The following DCC variants were observed in gnomAD, a reference collection of about 807,000 sequenced individuals.
The protein encoded by DCC is netrin receptor DCC.
DCC carries 58 observed loss-of-function variants against 172.5 expected under a neutral mutation model. The observed-to-expected ratio is 0.34, with a 90% confidence interval of 0.27 to 0.42. The LOEUF is 0.42. DCC is among the 10% of genes least tolerant of loss of function. The probability of loss-of-function intolerance (pLI) is 1.00; values close to 1 mark genes in which losing one functional copy is unlikely to be tolerated. For synonymous variants in DCC, 709 were observed against 644.5 expected (o/e 1.10, Z -1.52); for missense variants, 1,740 against 1,791.0 (o/e 0.97, Z 0.51).
chr18:52,715,852 T>A (rs946452242), intron 1 of DCC, among the ~76,000 whole-genome samples: 23 of 152,060 alleles, frequency 1.5e-4, no homozygotes, highest in African/African-American at 5.5e-4. Context: ...TCTGGATTAG[T>A]TCATACATGC....
In DCC at chr18:52,459,624, C is replaced by A. The variant is rs140276204; in HGVS notation, c.91+118746C>A. Among the ~76,000 whole-genome samples the A allele has an allele frequency of 3.3e-5, 5 of 151,874 alleles. No individual in the cohort carries two copies. In the East Asian group the frequency reaches 5.8e-4, roughly 18 times the overall value. ...CTGGGACTACAGGTGCCCGCCACCA[C>A]GCCCGGCTAATTTTTTTGTATTTTT... is the stretch of plus-strand genomic sequence containing the variant. On this transcript the variant is annotated intron_variant, in intron 1 of 28. Transcript: ENST00000442544.
intron 1 of DCC, among the ~76,000 whole-genome samples, chr18:52,610,105 G>C: frequency 7.6e-6 from 1 of 131,558 alleles, no homozygotes. Flanking sequence ...CCTGAGATTA[G>C]GAGTTCTAGA....
chr18:53,338,386 G>T (rs970960993), intron 14 of DCC, among the ~76,000 whole-genome samples: 1 of 152,168 alleles, frequency 6.6e-6, no homozygotes, highest in Non-Finnish European at 1.5e-5. Flanking sequence ...GGTGGATCAC[G>T]AGGTCAGAAG....
intron 7 of DCC, among the ~76,000 whole-genome samples, chr18:53,072,570 G>A (rs924992163): frequency 1.3e-5 from 2 of 152,196 alleles, no homozygotes; most frequent in Non-Finnish European, 2.9e-5. Flanking sequence ...AGGGGCATAC[G>A]TAGTCTGGGA....
rs574800403 is a variant in DCC at position 52,830,225 on chromosome 18, C to T, written c.413-75819C>T. Among the ~76,000 whole-genome samples the T allele has an allele frequency of 5.0e-3, 756 of 152,274 alleles. 8 individuals carry two copies. Among genetic ancestry groups the T allele is most frequent in the Non-Finnish European group, 8.5e-3 (579 of 68,028 alleles). ...CCATGGGCCACATGCAGCCCATGAC[C>T]GGTTTGAATGTGGTCCAACACAAAC... On this transcript the variant is annotated intron_variant, in intron 2 of 28. Coordinates refer to ENST00000442544, the MANE Select transcript of DCC (RefSeq NM_005215.4).
rs138328109 is a variant in DCC at position 53,009,502 on chromosome 18, AAAG to A, written c.986-53801_986-53799del. On this transcript the variant is annotated intron_variant, in intron 5 of 28. Transcript: ENST00000442544. ...GTTCTAGATTTAGGGTAAAAACAAA[AAAG>A]AGAGAAAGTGAAGGCAAGAAATTGT... Among the ~76,000 whole-genome samples the A allele has an allele frequency of 6.8e-4, 103 of 152,026 alleles. 2 individuals carry two copies. In the East Asian group the frequency reaches 0.018, roughly 26 times the overall value.
In DCC at chr18:53,075,730, T is replaced by C. The variant is rs114790183; in HGVS notation, c.1261+9564T>C. On this transcript the variant is annotated intron_variant, in intron 7 of 28. Coordinates refer to ENST00000442544, the MANE Select transcript of DCC (RefSeq NM_005215.4). ...ATACATACATATAGATTATATAGTATGTAGATGCTGTGCTTATATGTATAC... is the reference window on the plus strand; with the variant it reads ...ATACATACATATAGATTATATAGTACGTAGATGCTGTGCTTATATGTATAC... Among the ~76,000 whole-genome samples, 1,125 of 152,292 alleles carry C rather than the reference T, an allele frequency of 7.4e-3. 17 individuals are homozygous for C. Among genetic ancestry groups the C allele is most frequent in the African/African-American group, 0.025 (1,056 of 41,564 alleles).
At chr18:52,835,225 A>G (rs1390305475) in intron 2 of DCC, among the ~76,000 whole-genome samples, 1 of 152,228 alleles carries the variant, frequency 6.6e-6, no homozygotes, top group Non-Finnish European at 1.5e-5. Context: ...ATAAATCCTG[A>G]AAGAAATTTC....
At chr18:52,822,191 C>T (rs747914592) in intron 2 of DCC, among the ~76,000 whole-genome samples, 5 of 151,720 alleles carry the variant, frequency 3.3e-5, no homozygotes, top group Non-Finnish European at 7.4e-5. Context: ...AAGACTAAAT[C>T]TTAACTGGTT....
chr18:52,968,648 G>A (rs141804308), intron 5 of DCC, among the ~76,000 whole-genome samples: 1 of 152,220 alleles, frequency 6.6e-6, no homozygotes, highest in Non-Finnish European at 1.5e-5. Flanking sequence ...CAAACAACCA[G>A]TAAAATTATT....
intron 1 of DCC, among the ~76,000 whole-genome samples, chr18:52,693,679 G>C (rs938652473): frequency 3.2e-4 from 49 of 152,010 alleles, no homozygotes; most frequent in African/African-American, 9.9e-4. Flanking sequence ...GAGAAAGTAT[G>C]AGATGAGCCA....
At chr18:52,708,359 G>A (rs142756621) in intron 1 of DCC, among the ~76,000 whole-genome samples, 5,520 of 151,612 alleles carry the variant, frequency 0.036, 143 homozygotes, top group East Asian at 0.085. Flanking sequence ...GGAGAATGGC[G>A]TGAACCCAGG....
At chr18:52,838,248 C>G (rs1356811947) in intron 2 of DCC, among the ~76,000 whole-genome samples, 1 of 152,036 alleles carries the variant, frequency 6.6e-6, no homozygotes, top group Non-Finnish European at 1.5e-5. Flanking sequence ...GGGTATTATA[C>G]TTTTATATTA....
At chr18:52,464,877 C>T (rs558382823) in intron 1 of DCC, among the ~76,000 whole-genome samples, 2 of 152,072 alleles carry the variant, frequency 1.3e-5, no homozygotes, top group South Asian at 2.1e-4. Flanking sequence ...TGGAGAGCAC[C>T]ATGATAGAAG....
chr18:52,534,498 A>G (rs1481907138), intron 1 of DCC, among the ~76,000 whole-genome samples: 2 of 152,010 alleles, frequency 1.3e-5, no homozygotes, highest in African/African-American at 4.8e-5. Context: ...GACCCTCCCT[A>G]TGGTCTAAGT....
intron 1 of DCC, among the ~76,000 whole-genome samples, chr18:52,643,565 C>G (rs1195593844): frequency 1.3e-5 from 2 of 152,122 alleles, no homozygotes; most frequent in Non-Finnish European, 2.9e-5. Flanking sequence ...TCCCAAGCTC[C>G]CAATCCCCCT....
intron 1 of DCC, among the ~76,000 whole-genome samples, chr18:52,551,045 C>T (rs1331593182): frequency 6.6e-6 from 1 of 151,834 alleles, no homozygotes; most frequent in African/African-American, 2.4e-5. Context: ...TAAAATGTTT[C>T]TACTTTTCAA....
intron 5 of DCC, among the ~76,000 whole-genome samples, chr18:53,042,090 A>C (rs1453546571): frequency 9.2e-5 from 14 of 151,970 alleles, no homozygotes; most frequent in Admixed American, 7.2e-4. Context: ...GCTGGTTTTC[A>C]AAGAGAATGC....
intron 1 of DCC, among the ~76,000 whole-genome samples, chr18:52,659,484 G>A (rs961322473): frequency 5.9e-5 from 9 of 152,006 alleles, no homozygotes; most frequent in Non-Finnish European, 1.0e-4. Flanking sequence ...CTTTTTATTT[G>A]TGTTTAGGCA....
Sources: gnomAD v4.1 joint callset for allele counts (sites outside exome capture counted in the v4.1 genomes callset) on GRCh38, gnomAD v4.1.1 for gene constraint, MANE v1.5 for transcripts, NCBI Gene and HGNC (gene_info 2026-07-23, HGNC 2026-07-21) for gene names.